The following SAMD8 variants were observed in gnomAD, a reference collection of about 807,000 sequenced individuals.
The protein encoded by SAMD8 is sterile alpha motif domain containing 8.
Under a neutral mutation model 42.0 loss-of-function variants are expected in SAMD8, and 20 were observed. The observed-to-expected ratio is 0.48, with a 90% CI of 0.34 to 0.69. The LOEUF (loss-of-function observed/expected upper bound fraction) is 0.69. SAMD8 is among the 30% of genes least tolerant of loss of function. The pLI, the probability that SAMD8 is intolerant of heterozygous loss-of-function variation, is 0.01. For synonymous variants in SAMD8, 162 were observed against 173.0 expected (o/e 0.94, Z 0.50); for missense variants, 328 against 511.6 (o/e 0.64, Z 3.46).
At chr10:75,116,965 A>G (rs1176338841) in intron 1 of SAMD8, among the ~76,000 whole-genome samples, 1 of 151,912 alleles carries the variant, frequency 6.6e-6, no homozygotes, top group African/African-American at 2.4e-5. Flanking sequence ...GCGTGCCACC[A>G]TGCTCGGCTA....
Position 75,144,850 on chromosome 10 carries a change from G to C in SAMD8, c.-15-5664G>C, listed in dbSNP as rs578211299. On this transcript the variant is annotated intron_variant, in intron 1 of 5. Coordinates refer to ENST00000542569, the MANE Select transcript of SAMD8 (RefSeq NM_001174156.2). Reference sequence around the variant, plus strand: ...TTTAAAAAATTATTTATAGAGACGAGGTCTCACTATGTTGCCCAGGCAGGT... The same window carrying C: ...TTTAAAAAATTATTTATAGAGACGACGTCTCACTATGTTGCCCAGGCAGGT... 1.6e-4 allele frequency among the ~76,000 whole-genome samples: 24 copies of C among 152,158 alleles called. 1 individual carries two copies. The South Asian group carries it at 4.8e-3, about 30-fold the overall frequency.
intron 1 of SAMD8, among the ~76,000 whole-genome samples, chr10:75,101,660 T>C (rs1242412844): frequency 1.3e-5 from 2 of 152,154 alleles, no homozygotes; most frequent in African/African-American, 4.8e-5. Context: ...CAGAGTCACA[T>C]AGCCAATTGA....
intron 1 of SAMD8, among the ~76,000 whole-genome samples, chr10:75,111,965 G>A (rs910394874): frequency 1.3e-5 from 2 of 152,234 alleles, no homozygotes; most frequent in Non-Finnish European, 2.9e-5. Context: ...GAGGGAGAGA[G>A]CGAGAGGGGG....
chr10:75,166,368 C>A (rs747575741), intron 3 of SAMD8, among the ~76,000 whole-genome samples: 21 of 150,906 alleles, frequency 1.4e-4, no homozygotes, highest in Admixed American at 5.3e-4. Flanking sequence ...TTTTAAAAAA[C>A]TGTAGATATG....
chr10:75,164,516 C>G, intron 2 of SAMD8, 129 bp from the exon 3 acceptor site: 1 of 1,396,724 alleles, frequency 7.2e-7, no homozygotes, highest in Non-Finnish European at 9.3e-7. Context: ...CTCCAAATAT[C>G]ATTTTCTGTA....
At chr10:75,124,228 G>A (rs1849073394) in intron 1 of SAMD8, among the ~76,000 whole-genome samples, 1 of 152,022 alleles carries the variant, frequency 6.6e-6, no homozygotes, top group African/African-American at 2.4e-5. Context: ...GTCTTCTTAT[G>A]TTTATTTTAT....
At chr10:75,121,207 A>T (rs1848998164) in intron 1 of SAMD8, among the ~76,000 whole-genome samples, 1 of 152,234 alleles carries the variant, frequency 6.6e-6, no homozygotes, top group Non-Finnish European at 1.5e-5. Context: ...AGATAAAGAC[A>T]GTGAGGCCCA....
At chr10:75,114,174 A>G (rs1262757478) in intron 1 of SAMD8, among the ~76,000 whole-genome samples, 1 of 151,990 alleles carries the variant, frequency 6.6e-6, no homozygotes, top group African/African-American at 2.4e-5. Context: ...CATCTCTACT[A>G]ATACTATAAA....
intron 2 of SAMD8, among the ~76,000 whole-genome samples, chr10:75,163,139 C>G (rs1331531902): frequency 6.6e-6 from 1 of 152,136 alleles, no homozygotes; most frequent in East Asian, 1.9e-4. Flanking sequence ...GTGGGCCAGG[C>G]TGGTCTTGAA....
chr10:75,141,164 A>G (rs969288857), intron 1 of SAMD8, among the ~76,000 whole-genome samples: 7 of 152,128 alleles, frequency 4.6e-5, no homozygotes, highest in Admixed American at 1.3e-4. Flanking sequence ...GCAACATAGC[A>G]AAACCCTGTT....
chr10:75,172,107 G>T (rs946844761), intron 4 of SAMD8, among the ~76,000 whole-genome samples: 1 of 152,020 alleles, frequency 6.6e-6, no homozygotes, highest in Middle Eastern at 3.4e-3. Flanking sequence ...ACATGTATGC[G>T]TGTCAGCTTT....
intron 2 of SAMD8, among the ~76,000 whole-genome samples, chr10:75,164,224 A>C (rs1564693579): frequency 1.3e-5 from 2 of 152,058 alleles, no homozygotes; most frequent in Admixed American, 1.3e-4. Context: ...TTTCAAAAAC[A>C]ACAACAACAA....
At chr10:75,120,236 G>A (rs1190907337) in intron 1 of SAMD8, among the ~76,000 whole-genome samples, 1 of 152,148 alleles carries the variant, frequency 6.6e-6, no homozygotes, top group Non-Finnish European at 1.5e-5. Flanking sequence ...GGTATCAACA[G>A]TAATCAGTTA....
At chr10:75,105,064 G>A (rs970463208) in intron 1 of SAMD8, among the ~76,000 whole-genome samples, 1 of 152,222 alleles carries the variant, frequency 6.6e-6, no homozygotes, top group Non-Finnish European at 1.5e-5. Flanking sequence ...AGACAGGCAA[G>A]GAGTTGTAGA....
At chr10:75,136,678 T>A (rs1839894056) in intron 1 of SAMD8, among the ~76,000 whole-genome samples, 1 of 152,208 alleles carries the variant, frequency 6.6e-6, no homozygotes, top group African/African-American at 2.4e-5. Context: ...GTCAGAAGGT[T>A]GGCATTAGGA....
At chr10:75,155,502 G>A (rs1840391739) in intron 2 of SAMD8, among the ~76,000 whole-genome samples, 2 of 152,056 alleles carry the variant, frequency 1.3e-5, no homozygotes, top group Admixed American at 6.6e-5. Flanking sequence ...ACAATTGGCT[G>A]TAGCAAATGC....
chr10:75,175,810 A>G, intron 4 of SAMD8: 1 of 885,912 alleles, frequency 1.1e-6, no homozygotes, highest in Non-Finnish European at 1.4e-6. Flanking sequence ...CAGCCTCCCA[A>G]AGTGCTGGGA....
intron 2 of SAMD8, among the ~76,000 whole-genome samples, chr10:75,157,120 G>A (rs1840429213): frequency 6.6e-6 from 1 of 152,042 alleles, no homozygotes; most frequent in African/African-American, 2.4e-5. Context: ...GTGGCAAAAT[G>A]TTAATTATTG....
Position 75,159,063 on chromosome 10 carries a change from C to CTTTTTTTTTTTT in SAMD8, c.579-5580_579-5569dup, listed in dbSNP as rs530043259. Reference sequence around the variant, plus strand: ...TGTAGACAAATTTTTTTTTCTTTTTCTTTTTTTTTTTTTGAGACAGAGTCT... The same window carrying CTTTTTTTTTTTT: ...TGTAGACAAATTTTTTTTTCTTTTTCTTTTTTTTTTTTTTTTTTTTTTTTTGAGACAGAGTCT... On this transcript the variant is annotated intron_variant, in intron 2 of 5. Transcript: ENST00000542569. 1.4e-4 allele frequency among the ~76,000 whole-genome samples: 19 copies of CTTTTTTTTTTTT among 133,456 alleles called. 3 individuals are homozygous for CTTTTTTTTTTTT. The highest frequency in any genetic ancestry group is 3.2e-4 in the African/African-American group (11 of 34,442). The allele number at this position is 133,456 out of a possible 152,430, so 87.6% of individuals were successfully genotyped here.
Sources: allele counts gnomAD v4.1 joint callset (sites outside exome capture counted in the v4.1 genomes callset), GRCh38; gene constraint gnomAD v4.1.1; transcripts MANE v1.5; gene names NCBI Gene and HGNC (gene_info 2026-07-23, HGNC 2026-07-21).